The following PIK3C3 variants were observed in gnomAD, a reference collection of about 807,000 sequenced individuals.
PIK3C3 encodes the protein phosphatidylinositol 3-kinase catalytic subunit type 3.
Under a neutral mutation model 126.1 loss-of-function variants are expected in PIK3C3, and 95 were observed. The ratio of observed to expected loss-of-function variants is 0.75; its 90% CI spans 0.64 to 0.89. The LOEUF (loss-of-function observed/expected upper bound fraction) is 0.89, where lower values mean the gene tolerates loss of function less well. Ranked by LOEUF, PIK3C3 falls within the 40% of genes least tolerant of loss-of-function variation. The probability of loss-of-function intolerance (pLI) is 0.00; values close to 1 mark genes in which losing one functional copy is unlikely to be tolerated. For synonymous variants in PIK3C3, 374 were observed against 360.0 expected (o/e 1.04, Z -0.44); for missense variants, 829 against 1,063.2 (o/e 0.78, Z 3.06).
At chr18:42,013,709 A>C (rs1049106326) in intron 11 of PIK3C3, 113 bp downstream of exon 11, 5 of 747,336 alleles carry the variant, frequency 6.7e-6, no homozygotes, top group Non-Finnish European at 1.1e-5. Context: ...CTAATTTTGA[A>C]GTTTTACTAG....
intron 13 of PIK3C3, 74 bp downstream of exon 13, chr18:42,020,779 A>G: frequency 1.2e-6 from 1 of 823,650 alleles, no homozygotes. Context: ...ATAAACACAA[A>G]GATGATTTAA....
intron 24 of PIK3C3, among the ~76,000 whole-genome samples, chr18:42,078,684 A>G (rs1406612518): frequency 6.6e-6 from 1 of 152,192 alleles, no homozygotes; most frequent in African/African-American, 2.4e-5. Context: ...ATCTGCATTG[A>G]AAACCTGTTA....
intron 4 of PIK3C3, among the ~76,000 whole-genome samples, 197 bp from the exon 5 acceptor site, chr18:41,987,615 T>A (rs866922452): frequency 7.2e-5 from 11 of 152,080 alleles, no homozygotes; most frequent in African/African-American, 1.9e-4. Flanking sequence ...TGGACCTTTT[T>A]AAAAAAAATT....
rs1348544766 is a variant in PIK3C3, at chr18:42,087,322, G to A, written c.*6185G>A. ...AAATTTTATAGTCCGGTTTGAGGAG[G>A]TGGTTTCTGATTGGTTGCATCATGT... On this transcript the variant is annotated 3_prime_UTR_variant, in exon 25 of 25. Transcript: ENST00000262039. 1 of 152,270 alleles carries A rather than the reference G, an allele frequency of 6.6e-6. No homozygotes were observed. The highest frequency in any genetic ancestry group is 1.5e-5 in the Non-Finnish European group (1 of 68,084). The allele number at this position is 152,270 out of a possible 1,614,324, so 9.4% of individuals were successfully genotyped here. A position where few individuals can be genotyped will look rare whatever the true frequency, so the allele number is the denominator to read the frequency against.
intron 21 of PIK3C3, among the ~76,000 whole-genome samples, chr18:42,057,450 G>A (rs561719507): frequency 6.6e-6 from 1 of 152,118 alleles, no homozygotes; most frequent in East Asian, 1.9e-4. Flanking sequence ...GTAATAATAA[G>A]TTAGCAGAAG....
At chr18:41,977,500 A>G (rs997035967) in intron 4 of PIK3C3, among the ~76,000 whole-genome samples, 1 of 146,378 alleles carries the variant, frequency 6.8e-6, no homozygotes, top group African/African-American at 2.5e-5. Flanking sequence ...ATATATGTGT[A>G]TTTTTTTTTT....
At chr18:41,995,339 A>C (rs1302535114) in intron 7 of PIK3C3, among the ~76,000 whole-genome samples, 1 of 152,160 alleles carries the variant, frequency 6.6e-6, no homozygotes, top group Non-Finnish European at 1.5e-5. Context: ...ACATGCAATA[A>C]AAAATAAATA....
intron 3 of PIK3C3, among the ~76,000 whole-genome samples, chr18:41,967,860 G>T (rs1002153516): frequency 6.6e-6 from 1 of 152,206 alleles, no homozygotes; most frequent in African/African-American, 2.4e-5. Context: ...CTGCAAGCTG[G>T]AATATCAACA....
chr18:41,993,817 T>TA lies in PIK3C3; in HGVS notation c.786+478dup, dbSNP rs369657440. ...TAGAACTGTTCAATTTGGAACGTGG[T>TA]AACTTGGATGATGGTGGGATACCTT... is the stretch of plus-strand genomic sequence containing the variant. On this transcript the variant is annotated intron_variant, in intron 7 of 24. Coordinates refer to ENST00000262039, the MANE Select transcript of PIK3C3 (RefSeq NM_002647.4). Among the ~76,000 whole-genome samples, 335 of 152,222 alleles carry TA rather than the reference T, an allele frequency of 2.2e-3. 1 individual carries two copies. Among genetic ancestry groups the TA allele is most frequent in the African/African-American group, 7.4e-3 (309 of 41,554 alleles).
At chr18:42,000,662 A>G (rs1188970150) in intron 9 of PIK3C3, among the ~76,000 whole-genome samples, 1 of 152,180 alleles carries the variant, frequency 6.6e-6, no homozygotes, top group African/African-American at 2.4e-5. Flanking sequence ...TAATGGACTT[A>G]CAATTTCATG....
intron 21 of PIK3C3, among the ~76,000 whole-genome samples, chr18:42,055,568 G>A (rs532208416): frequency 6.6e-6 from 1 of 152,184 alleles, no homozygotes; most frequent in African/African-American, 2.4e-5. Flanking sequence ...GGAAAAAATG[G>A]TAAATAAATG....
intron 4 of PIK3C3, among the ~76,000 whole-genome samples, chr18:41,975,296 T>A (rs1244432418): frequency 5.9e-5 from 9 of 152,196 alleles, no homozygotes; most frequent in Non-Finnish European, 1.2e-4. Flanking sequence ...GTGTCTAATA[T>A]CAGAGCCACA....
chr18:42,024,168 G>T (rs890213767), intron 13 of PIK3C3, among the ~76,000 whole-genome samples: 3 of 152,072 alleles, frequency 2.0e-5, no homozygotes, highest in Non-Finnish European at 4.4e-5. Flanking sequence ...AAATAAAATT[G>T]CCAGGAAACA....
chr18:42,043,993 A>G (rs969191931), intron 20 of PIK3C3, among the ~76,000 whole-genome samples, 176 bp downstream of exon 20: 14 of 152,350 alleles, frequency 9.2e-5, no homozygotes, highest in Middle Eastern at 6.8e-3. Flanking sequence ...AGTATTAACA[A>G]GGTGTAAATT....
intron 17 of PIK3C3, among the ~76,000 whole-genome samples, chr18:42,038,562 TTGAACTCC>T (rs1984164111): frequency 6.6e-6 from 1 of 152,094 alleles, no homozygotes; most frequent in South Asian, 2.1e-4. Context: ...CAGGCTGATC[TTGAACTCC>T]TGACCTCAGG....
intron 21 of PIK3C3, chr18:42,052,568 A>C (rs1183517524): frequency 1.3e-5 from 2 of 152,170 alleles, no homozygotes; most frequent in Non-Finnish European, 2.9e-5. Context: ...GAGTATGTCA[A>C]GACAAATAGA....
intron 13 of PIK3C3, chr18:42,026,482 TATC>T (rs1198185174): frequency 6.6e-6 from 1 of 152,082 alleles, no homozygotes; most frequent in African/African-American, 2.4e-5. Context: ...CTTTGAGAGA[TATC>T]ATCTCCCTTT....
rs1025131399 is a variant in PIK3C3 at position 41,959,988 on chromosome 18, C to T, written c.257+2230C>T. Among the ~76,000 whole-genome samples the T allele has an allele frequency of 3.9e-5, 6 of 152,208 alleles. No homozygotes were observed. The East Asian group carries it at 1.2e-3, about 29-fold the overall frequency. On this transcript the variant is annotated intron_variant, in intron 2 of 24. Transcript: ENST00000262039. ...TGCTTAAAAGAGATATTCTATAAACCTTGGAAAGAAGAAATTAGATCATAA... is the reference window on the plus strand; with the variant it reads ...TGCTTAAAAGAGATATTCTATAAACTTTGGAAAGAAGAAATTAGATCATAA...
At chr18:42,036,931 AGTCAAAACACG>A (rs1984080942) in intron 16 of PIK3C3, among the ~76,000 whole-genome samples, 2 of 152,218 alleles carry the variant, frequency 1.3e-5, no homozygotes, top group Non-Finnish European at 2.9e-5. Flanking sequence ...CATGCATTAC[AGTCAAAACACG>A]GTCAGAACTT....
Sources: gnomAD v4.1 joint callset for allele counts (sites outside exome capture counted in the v4.1 genomes callset) on GRCh38, gnomAD v4.1.1 for gene constraint, MANE v1.5 for transcripts, NCBI Gene and HGNC (gene_info 2026-07-23, HGNC 2026-07-21) for gene names.